The following RTL4 variants were observed in gnomAD, a reference collection of about 807,000 sequenced individuals.
RTL4 encodes retrotransposon Gag like 4.
In RTL4, 4 loss-of-function variants were observed where a neutral mutation model predicts 5.3. The ratio of observed to expected loss-of-function variants is 0.75; its 90% CI spans 0.37 to 1.72. The LOEUF (loss-of-function observed/expected upper bound fraction) is 1.72, where lower values mean the gene tolerates loss of function less well. Ranked by LOEUF, RTL4 falls within the 40% of genes most tolerant of loss-of-function variation. The pLI is 0.04. For synonymous variants in RTL4, 98 were observed against 87.3 expected (o/e 1.12, Z -0.68); for missense variants, 260 against 227.1 (o/e 1.14, Z -0.93).
chrX:112,306,419 C>T, the RTL4 span, among the ~76,000 whole-genome samples: 20 of 111,193 alleles, frequency 1.8e-4, no homozygotes, highest in Non-Finnish European at 2.8e-4. Context: ...CTCACTTAAG[C>T]GTCATGAAAT....
chrX:112,368,857 A>T, the RTL4 span, among the ~76,000 whole-genome samples: 1 of 112,289 alleles, frequency 8.9e-6, no homozygotes, highest in African/African-American at 3.2e-5. Context: ...TTGATAAATG[A>T]GGTATTATTA....
the RTL4 span, among the ~76,000 whole-genome samples, chrX:112,120,880 G>T: frequency 9.0e-6 from 1 of 111,723 alleles, no homozygotes; most frequent in African/African-American, 3.3e-5. Context: ...AGGGCACTCT[G>T]AATGCTTACA....
At chrX:112,164,837 C>T in the RTL4 span, among the ~76,000 whole-genome samples, 1 of 111,739 alleles carries the variant, frequency 8.9e-6, no homozygotes, top group African/African-American at 3.3e-5. Context: ...CCTCAATAAG[C>T]TCACTTCCTG....
the RTL4 span, among the ~76,000 whole-genome samples, chrX:112,286,225 CAAATACTCTGAGGTAG>C: frequency 7.2e-5 from 8 of 111,756 alleles, no homozygotes; most frequent in African/African-American, 2.6e-4. Flanking sequence ...ATAGCAAGTG[CAAATACTCTGAGGTAG>C]AAATACGTTT....
chrX:112,208,277 C>G, the RTL4 span, among the ~76,000 whole-genome samples: 2 of 111,545 alleles, frequency 1.8e-5, no homozygotes, highest in African/African-American at 6.5e-5. Context: ...TTCTGTGGTG[C>G]TGGGAAATAG....
chrX:112,263,136 T>C, the RTL4 span, among the ~76,000 whole-genome samples: 1 of 104,469 alleles, frequency 9.6e-6, no homozygotes, highest in Non-Finnish European at 2.0e-5. Flanking sequence ...CACACCAACA[T>C]GGCACATGTA....
chrX:112,385,813 T>A, the RTL4 span, among the ~76,000 whole-genome samples: 1 of 111,877 alleles, frequency 8.9e-6, no homozygotes, highest in South Asian at 3.7e-4. Flanking sequence ...CAAAAAAAAA[T>A]TTTGCTCCAG....
chrX:112,156,569 G>T, the RTL4 span, among the ~76,000 whole-genome samples: 1 of 112,226 alleles, frequency 8.9e-6, no homozygotes, highest in Non-Finnish European at 1.9e-5. Context: ...TTAAGTGGTT[G>T]AGTTTTGGAA....
the RTL4 span, among the ~76,000 whole-genome samples, chrX:112,254,179 A>G: frequency 2.7e-5 from 3 of 111,915 alleles, no homozygotes; most frequent in East Asian, 8.4e-4. Flanking sequence ...AACATCGGTT[A>G]AGCTTCTAGT....
At chrX:112,114,974 T>C in the RTL4 span, among the ~76,000 whole-genome samples, 1 of 111,156 alleles carries the variant, frequency 9.0e-6, no homozygotes. Flanking sequence ...GGCCAGGCCA[T>C]AGTGCAGAAA....
the RTL4 span, among the ~76,000 whole-genome samples, chrX:112,190,866 A>G: frequency 8.9e-6 from 1 of 111,770 alleles, no homozygotes; most frequent in Non-Finnish European, 1.9e-5. Context: ...ATGGTAATTG[A>G]TGGTGGTAAC....
chrX:112,304,639 CTTTTT>C, the RTL4 span, among the ~76,000 whole-genome samples: 13 of 48,366 alleles, frequency 2.7e-4, no homozygotes, highest in Admixed American at 9.1e-4. Context: ...TTTCCCACAT[CTTTTT>C]TTTTTTTTTT....
the RTL4 span, among the ~76,000 whole-genome samples, chrX:112,351,361 G>C: frequency 9.2e-6 from 1 of 108,747 alleles, no homozygotes; most frequent in African/African-American, 3.4e-5. Context: ...GGGGTGGAGA[G>C]TTCTGTAGTT....
the RTL4 span, among the ~76,000 whole-genome samples, chrX:112,258,771 G>C: frequency 3.6e-5 from 4 of 111,175 alleles, no homozygotes; most frequent in Non-Finnish European, 7.6e-5. Context: ...GCTTAGAAAG[G>C]CCTTCTTCAA....
the RTL4 span, among the ~76,000 whole-genome samples, chrX:112,194,962 G>A: frequency 8.9e-6 from 1 of 112,036 alleles, no homozygotes; most frequent in Admixed American, 9.5e-5. Context: ...GGAAGATAAA[G>A]CATGCCAAAC....
the RTL4 span, among the ~76,000 whole-genome samples, chrX:112,195,209 G>T: frequency 6.3e-5 from 7 of 111,664 alleles, no homozygotes; most frequent in Non-Finnish European, 9.4e-5. Context: ...TGGAAGAGAA[G>T]AGTTGACATG....
the RTL4 span, among the ~76,000 whole-genome samples, chrX:112,179,306 A>C: frequency 1.8e-5 from 2 of 111,119 alleles, no homozygotes; most frequent in Non-Finnish European, 3.8e-5. Flanking sequence ...TCCATATGTT[A>C]AGGGCAAAAC....
the RTL4 span, among the ~76,000 whole-genome samples, chrX:112,328,051 C>A: frequency 3.7e-5 from 4 of 108,617 alleles, no homozygotes; most frequent in Admixed American, 3.0e-4. Flanking sequence ...GCTGCAAAAT[C>A]ATGCCAAAAT....
At chrX:112,206,109 ATGT>A in the RTL4 span, among the ~76,000 whole-genome samples, 5 of 111,796 alleles carry the variant, frequency 4.5e-5, no homozygotes, top group African/African-American at 1.3e-4. Flanking sequence ...ATCTATGGTG[ATGT>A]TATTGTCTTT....
Sources: allele counts gnomAD v4.1 joint callset (sites outside exome capture counted in the v4.1 genomes callset), GRCh38; gene constraint gnomAD v4.1.1; transcripts MANE v1.5; gene names NCBI Gene and HGNC (gene_info 2026-07-23, HGNC 2026-07-21).